OPCML: variants seen among roughly 807,000 people sequenced by gnomAD.
OPCML encodes the protein opioid binding protein/cell adhesion molecule like.
OPCML carries 13 observed loss-of-function variants against 37.8 expected under a neutral mutation model. That is an observed-to-expected ratio of 0.34 (90% CI 0.22 to 0.55). OPCML has a LOEUF of 0.55. Ranked by LOEUF, OPCML falls within the 20% of genes least tolerant of loss-of-function variation. OPCML has a pLI of 0.91. For synonymous variants in OPCML, 176 were observed against 168.8 expected, an observed-to-expected ratio of 1.04 and a Z score of -0.33; for missense variants, 341 against 435.6, an observed-to-expected ratio of 0.78 and a Z score of 1.93.
chr11:133,242,723 G>T (rs1354106149), intron 1 of OPCML, among the ~76,000 whole-genome samples: 3 of 152,186 alleles, frequency 2.0e-5, no homozygotes, highest in African/African-American at 7.2e-5. Flanking sequence ...CTATGAATGT[G>T]AGAAAAGGGG....
At chr11:133,140,450 G>T (rs1332502971) in intron 1 of OPCML, among the ~76,000 whole-genome samples, 2 of 148,198 alleles carry the variant, frequency 1.3e-5, no homozygotes, top group Non-Finnish European at 3.0e-5. Context: ...GGGAGGCAGA[G>T]GTTGCAGTGA....
intron 3 of OPCML, among the ~76,000 whole-genome samples, chr11:132,535,332 T>C (rs2096337686): frequency 6.6e-6 from 1 of 152,074 alleles, no homozygotes; most frequent in Non-Finnish European, 1.5e-5. Flanking sequence ...TAAAATGTTT[T>C]CTTTTAGGGG....
At chr11:133,201,376 T>C (rs1938781793) in intron 1 of OPCML, among the ~76,000 whole-genome samples, 1 of 152,024 alleles carries the variant, frequency 6.6e-6, no homozygotes, top group Non-Finnish European at 1.5e-5. Context: ...AGTCTACATT[T>C]CTAAGATTTA....
intron 1 of OPCML, among the ~76,000 whole-genome samples, chr11:133,101,116 G>A (rs1949079349): frequency 3.3e-5 from 5 of 152,046 alleles, no homozygotes; most frequent in Admixed American, 3.3e-4. Flanking sequence ...GTAGAGACGG[G>A]GTTTCACCAT....
intron 4 of OPCML, among the ~76,000 whole-genome samples, chr11:132,478,784 C>T (rs577485453): frequency 1.9e-4 from 29 of 152,226 alleles, no homozygotes; most frequent in African/African-American, 7.0e-4. Flanking sequence ...TACAGTTGCG[C>T]TTATTACCCA....
chr11:133,230,298 G>A (rs1379645193), intron 1 of OPCML, among the ~76,000 whole-genome samples: 1 of 152,178 alleles, frequency 6.6e-6, no homozygotes, highest in African/African-American at 2.4e-5. Flanking sequence ...TGGGGCTCAT[G>A]GGCAGAGGTA....
chr11:132,951,274 G>A (rs1408228738), intron 1 of OPCML, among the ~76,000 whole-genome samples: 1 of 152,142 alleles, frequency 6.6e-6, no homozygotes, highest in Non-Finnish European at 1.5e-5. Flanking sequence ...CACAGGAATC[G>A]GTTTTCTCAC....
chr11:132,612,100 T>C (rs1349536783), intron 3 of OPCML, among the ~76,000 whole-genome samples: 1 of 152,200 alleles, frequency 6.6e-6, no homozygotes, highest in East Asian at 1.9e-4. Context: ...TTTTACAAGT[T>C]TTCCAAAGGT....
intron 1 of OPCML, among the ~76,000 whole-genome samples, chr11:133,403,891 G>A (rs1163942842): frequency 2.6e-5 from 4 of 152,168 alleles, no homozygotes; most frequent in African/African-American, 9.7e-5. Flanking sequence ...TACCTTCCAA[G>A]CACTCTCCTA....
In OPCML at chr11:132,878,074, C is replaced by A. The variant is rs953466413; in HGVS notation, c.146+64852G>T. The stretch of plus-strand genomic sequence containing the variant: ...GCACATGCCTGTAGTTCCAGCTACT[C>A]AGGAGGCCGAGGTAGGAGAATCGCT... On this transcript the variant is annotated intron_variant, in intron 2 of 7. Coordinates refer to ENST00000524381, the MANE Select transcript of OPCML (RefSeq NM_001012393.5). 5.3e-5 allele frequency among the ~76,000 whole-genome samples: 8 copies of A among 151,980 alleles called. 1 individual carries two copies. Among genetic ancestry groups the A allele is most frequent in the Admixed American group, 2.6e-4 (4 of 15,266 alleles).
At chr11:133,473,411 T>TTTGCTGAC (rs1371643834) in intron 1 of OPCML, among the ~76,000 whole-genome samples, 4 of 152,084 alleles carry the variant, frequency 2.6e-5, no homozygotes, top group African/African-American at 9.7e-5. Flanking sequence ...GCTAAATAGG[T>TTTGCTGAC]TTGCTGACTT....
At chr11:133,150,794 C>G (rs953469759) in intron 1 of OPCML, among the ~76,000 whole-genome samples, 1 of 152,010 alleles carries the variant, frequency 6.6e-6, no homozygotes. Context: ...AATGAGTGTG[C>G]CTTCCAGCTC....
intron 3 of OPCML, among the ~76,000 whole-genome samples, chr11:132,614,431 G>T (rs1257663490): frequency 6.6e-6 from 1 of 152,154 alleles, no homozygotes; most frequent in Non-Finnish European, 1.5e-5. Flanking sequence ...CTTGCTTGAG[G>T]CTCCATAGCA....
At chr11:132,547,557 A>G (rs1323416703) in intron 3 of OPCML, among the ~76,000 whole-genome samples, 1 of 152,194 alleles carries the variant, frequency 6.6e-6, no homozygotes, top group Non-Finnish European at 1.5e-5. Context: ...CTACTTCTAG[A>G]GAACTTACAA....
chr11:132,812,705 G>T (rs544544559), intron 2 of OPCML, among the ~76,000 whole-genome samples: 1 of 152,268 alleles, frequency 6.6e-6, no homozygotes, highest in South Asian at 2.1e-4. Flanking sequence ...GAACTACAAT[G>T]ATCTTGATTA....
intron 1 of OPCML, among the ~76,000 whole-genome samples, chr11:133,070,974 C>T (rs946192979): frequency 6.6e-6 from 1 of 152,216 alleles, no homozygotes; most frequent in Non-Finnish European, 1.5e-5. Context: ...CAAGGCCTTT[C>T]CCAGCCACTG....
intron 2 of OPCML, among the ~76,000 whole-genome samples, chr11:132,669,941 C>T (rs1337424833): frequency 6.6e-6 from 1 of 152,084 alleles, no homozygotes; most frequent in East Asian, 1.9e-4. Flanking sequence ...GTCAGGGATG[C>T]CTTAAGAAGC....
At chr11:132,843,007 A>G (rs1941361272) in intron 2 of OPCML, among the ~76,000 whole-genome samples, 1 of 152,066 alleles carries the variant, frequency 6.6e-6, no homozygotes, top group South Asian at 2.1e-4. Context: ...CTAAGACATT[A>G]CATTCATTTG....
intron 1 of OPCML, among the ~76,000 whole-genome samples, chr11:133,015,365 G>GAGGAAGGAAGGAAGGAAGGA (rs1565398643): frequency 6.4e-5 from 7 of 109,078 alleles, no homozygotes; most frequent in South Asian, 3.0e-4. Context: ...GGAAGGAAGG[G>GAGGAAGGAAGGAAGGAAGGA]AGGAATGAAG....
Sources: gnomAD v4.1 joint callset for allele counts (sites outside exome capture counted in the v4.1 genomes callset) on GRCh38, gnomAD v4.1.1 for gene constraint, MANE v1.5 for transcripts, NCBI Gene and HGNC (gene_info 2026-07-23, HGNC 2026-07-21) for gene names.